The following SLC29A4 variants were observed in gnomAD, a reference collection of about 807,000 sequenced individuals.
The protein encoded by SLC29A4 is equilibrative nucleoside transporter 4.
SLC29A4 carries 36 observed loss-of-function variants against 43.9 expected under a neutral mutation model. That is an observed-to-expected ratio of 0.82 (90% CI 0.63 to 1.08). The LOEUF is 1.08. Ranked by LOEUF, SLC29A4 falls within the 50% of genes least tolerant of loss-of-function variation. The probability of loss-of-function intolerance (pLI) is 0.00; values close to 1 mark genes in which losing one functional copy is unlikely to be tolerated. For synonymous variants in SLC29A4, 491 were observed against 338.0 expected, an observed-to-expected ratio of 1.45 and a Z score of -4.97; for missense variants, 869 against 755.3, an observed-to-expected ratio of 1.15 and a Z score of -1.77.
intron 2 of SLC29A4, among the ~76,000 whole-genome samples, chr7:5,290,154 C>T (rs1010427242): frequency 6.7e-6 from 1 of 149,858 alleles, no homozygotes; most frequent in Non-Finnish European, 1.5e-5. Context: ...CCTGGGTTCA[C>T]GCCATTCTCC....
chr7:5,300,309 C>T, intron 9 of SLC29A4, 113 bp from the exon 10 acceptor site: 3 of 1,505,092 alleles, frequency 2.0e-6, no homozygotes, highest in South Asian at 1.2e-5. Context: ...GCAGGCTGAG[C>T]TGGACAGGCC....
intron 6 of SLC29A4, 35 bp from the exon 7 acceptor site, chr7:5,296,901 G>A (rs771393150): frequency 9.0e-6 from 13 of 1,443,112 alleles, no homozygotes; most frequent in Admixed American, 7.7e-5. Context: ...GGAGCTGGGC[G>A]GATCAGGCCC....
Position 5,303,252 on chromosome 7 carries a change from T to A in SLC29A4, c.*313T>A, listed in dbSNP as rs6971788. On this transcript the variant is annotated 3_prime_UTR_variant, in exon 11 of 11. Coordinates refer to ENST00000396872, the MANE Select transcript of SLC29A4 (RefSeq NM_153247.4). The stretch of plus-strand genomic sequence containing the variant: ...CCAGCCCAGCCAGCACTCTGCAGGG[T>A]CACACGCACCGTGTCCCCACCCAGG... The A allele has an allele frequency of 0.21, 95,496 of 460,718 alleles. 10,631 individuals are homozygous for A. Among genetic ancestry groups the A allele is most frequent in the Non-Finnish European group, 0.23 (58,669 of 253,736 alleles). 28.5% of individuals were successfully genotyped at this position (460,718 alleles called of 1,614,324 possible).
intron 6 of SLC29A4, among the ~76,000 whole-genome samples, chr7:5,295,591 C>T (rs914720508): frequency 3.3e-5 from 5 of 152,264 alleles, no homozygotes; most frequent in African/African-American, 9.6e-5. Flanking sequence ...AAGCCCCTCC[C>T]TCTCAGGGTT....
At chr7:5,298,247 A>C (rs1427017720) in intron 7 of SLC29A4, among the ~76,000 whole-genome samples, 2 of 152,150 alleles carry the variant, frequency 1.3e-5, no homozygotes, top group Non-Finnish European at 2.9e-5. Context: ...GGGACAAGCC[A>C]GGGCAGGGGT....
At chr7:5,301,418 G>A (rs938478164) in intron 10 of SLC29A4, among the ~76,000 whole-genome samples, 1 of 152,174 alleles carries the variant, frequency 6.6e-6, no homozygotes, top group East Asian at 1.9e-4. Flanking sequence ...CCTCACTGAG[G>A]AGGTGACTTG....
rs755693227 is a variant in SLC29A4, at chr7:5,296,927, G to GC, written c.620-3dup. 4.1e-4 allele frequency: 644 copies of GC among 1,584,704 alleles called. 1 individual carries two copies. In the African/African-American group the frequency reaches 4.3e-3, roughly 11 times the overall value. On this transcript the variant is annotated splice_polypyrimidine_tract_variant and intron_variant, in intron 6 of 10. Transcript: ENST00000396872. ...GATCAGGCCCCGGCCCACTGTGCACGCCCCCCAGGCACGGCGGGCGTGATG... is the reference window on the plus strand; with the variant it reads ...GATCAGGCCCCGGCCCACTGTGCACGCCCCCCCAGGCACGGCGGGCGTGATG...
At chr7:5,294,713 A>C in intron 5 of SLC29A4, 147 bp from the exon 6 acceptor site, 1 of 800,900 alleles carries the variant, frequency 1.2e-6, no homozygotes, top group Non-Finnish European at 2.2e-6. Context: ...TGGTGTTCCT[A>C]CTGCTGCGTG....
rs1785718946 is a variant in SLC29A4, at chr7:5,296,927, G to A, written c.620-9G>A. 2 of 1,584,594 alleles carry A rather than the reference G, an allele frequency of 1.3e-6. No individual in the cohort carries two copies. Among genetic ancestry groups the A allele is most frequent in the Admixed American group, 1.7e-5 (1 of 58,362 alleles). ...GATCAGGCCCCGGCCCACTGTGCAC[G>A]CCCCCCAGGCACGGCGGGCGTGATG... is the stretch of plus-strand genomic sequence containing the variant. On this transcript the variant is annotated splice_polypyrimidine_tract_variant and intron_variant, in intron 6 of 10. Coordinates refer to ENST00000396872, the MANE Select transcript of SLC29A4 (RefSeq NM_153247.4).
At position 5,294,943 on chromosome 7, in the gene SLC29A4, C is replaced by T. The variant is rs1785551347; in HGVS notation, c.619+9C>T. 6.2e-7 allele frequency: 1 copy of T among 1,602,268 alleles called. No homozygotes were observed. Among genetic ancestry groups the T allele is most frequent in the Non-Finnish European group, 8.5e-7 (1 of 1,176,086 alleles). On this transcript the variant is annotated intron_variant, in intron 6 of 10. Transcript: ENST00000396872. ...GGTGATGACCGGGGAGAGTGAGTAT[C>T]TGCAGACCCCCCGGGGAGGGGGTGC...
chr7:5,297,308 G>A (rs1172510480), intron 7 of SLC29A4, 110 bp downstream of exon 7: 29 of 1,272,766 alleles, frequency 2.3e-5, no homozygotes, highest in Non-Finnish European at 3.1e-6. Context: ...CCAGACTGTG[G>A]TCTCCTCCTG....
chr7:5,297,165 G>A lies in SLC29A4; in HGVS notation c.849G>A (p.Val283=). The part of the protein sequence containing the change: ...PGLGRGYGYR[V]HHDVVAGDVH... ...TGGGCAGGGGCTATGGCTACCGCGT[G>A]CACCACGACGTTGTCGCCGGGGACG... is the stretch of plus-strand genomic sequence containing the variant. The change falls in exon 7 of 11, where the codon GTG becomes GTA. Residue 283 remains valine, a synonymous_variant. Transcript: ENST00000396872. 3 of 1,596,714 alleles carry A rather than the reference G, an allele frequency of 1.9e-6. No homozygotes were observed. The highest frequency in any genetic ancestry group is 1.1e-5 in the South Asian group (1 of 90,732).
At chr7:5,301,756 G>A (rs1360931964) in intron 10 of SLC29A4, among the ~76,000 whole-genome samples, 1 of 152,182 alleles carries the variant, frequency 6.6e-6, no homozygotes, top group Non-Finnish European at 1.5e-5. Flanking sequence ...GAGAGGTAGG[G>A]TGTGGGAGAG....
rs185835026 is a variant in SLC29A4, at chr7:5,296,897, G to A, written c.620-39G>A. ...GCGGGACGGGGCGGTGCAGGGAGCT[G>A]GGCGGATCAGGCCCCGGCCCACTGT... On this transcript the variant is annotated intron_variant, in intron 6 of 10. Coordinates refer to ENST00000396872, the MANE Select transcript of SLC29A4 (RefSeq NM_153247.4). The A allele has an allele frequency of 3.8e-3, 5,403 of 1,440,310 alleles. 192 individuals are homozygous for A. The African/African-American group carries it at 0.067, about 18-fold the overall frequency. 89.2% of individuals were successfully genotyped at this position (1,440,310 alleles called of 1,614,324 possible).
At position 5,287,821 on chromosome 7, in the gene SLC29A4, G is replaced by T. The variant is rs1293398481; in HGVS notation, c.5G>T (p.Gly2Val). The stretch of plus-strand genomic sequence containing the variant: ...TTCTCCAAAGCAGAGGCTGCCATGG[G>T]CTCCGTGGGGAGCCAGCGCCTTGAG... Reference protein sequence around the residue: MGSVGSQRLEEP... With the variant: MVSVGSQRLEEP... Residue 2 changes from glycine to valine, a missense_variant, in exon 2 of 11, where the codon GGC becomes GTC. Physicochemically the swap from Gly to Val is moderately radical, Grantham distance 109. Transcript: ENST00000396872. 2.5e-6 allele frequency: 4 copies of T among 1,610,896 alleles called. No homozygotes were observed. Among genetic ancestry groups the T allele is most frequent in the Non-Finnish European group, 2.5e-6 (3 of 1,179,666 alleles).
rs1450944894 is a variant in SLC29A4, at chr7:5,290,743, C to T, written c.181C>T (p.Pro61Ser). The change falls in exon 3 of 11, where the codon CCA (proline) becomes TCA (serine). Residue 61 changes from proline (P) to serine (S), a missense_variant. Coordinates refer to ENST00000396872, the MANE Select transcript of SLC29A4 (RefSeq NM_153247.4). Reference protein sequence around the residue: ...PAFTDTTLDEPVPDDRYHAIY... With the variant: ...PAFTDTTLDESVPDDRYHAIY... ...GTCTCTGGCTTTAGCATTGGACGAG[C>T]CAGTGCCCGATGACCGTTATCACGC... 1.9e-6 allele frequency: 3 copies of T among 1,611,578 alleles called. No individual in the cohort carries two copies. In the South Asian group the frequency reaches 3.3e-5, roughly 18 times the overall value.
intron 7 of SLC29A4, 148 bp downstream of exon 7, chr7:5,297,346 C>G: frequency 1.0e-6 from 1 of 986,430 alleles, no homozygotes; most frequent in Non-Finnish European, 1.4e-6. Context: ...TGCCAGCCTC[C>G]TTTATTCTGT....
intron 2 of SLC29A4, among the ~76,000 whole-genome samples, 159 bp downstream of exon 2, chr7:5,288,144 G>A (rs1447213726): frequency 6.6e-6 from 1 of 152,086 alleles, no homozygotes; most frequent in Admixed American, 6.5e-5. Context: ...TAACAAACAC[G>A]CCCACCTTCT....
intron 6 of SLC29A4, among the ~76,000 whole-genome samples, chr7:5,296,451 C>T (rs1785667635): frequency 7.4e-6 from 1 of 135,216 alleles, no homozygotes; most frequent in Non-Finnish European, 1.6e-5. Flanking sequence ...TGGGGCGGAG[C>T]TGGGGGCACC....
Sources: gnomAD v4.1 joint callset for allele counts (sites outside exome capture counted in the v4.1 genomes callset) on GRCh38, gnomAD v4.1.1 for gene constraint, MANE v1.5 for transcripts, NCBI Gene and HGNC (gene_info 2026-07-23, HGNC 2026-07-21) for gene names.